KCNQ1: variants seen among roughly 807,000 people sequenced by gnomAD.
The protein encoded by KCNQ1 is potassium voltage-gated channel subfamily Q member 1.
In KCNQ1, 49 loss-of-function variants were observed where a neutral mutation model predicts 72.4. The observed-to-expected ratio is 0.68, with a 90% CI of 0.54 to 0.86. The LOEUF (loss-of-function observed/expected upper bound fraction) is 0.86. Among genes scored for constraint, KCNQ1 ranks in the 40% least tolerant of loss-of-function variants. The probability of loss-of-function intolerance (pLI) is 0.00; values close to 1 mark genes in which losing one functional copy is unlikely to be tolerated. For synonymous variants in KCNQ1, 450 were observed against 412.6 expected (o/e 1.09, Z -1.10); for missense variants, 790 against 945.1 (o/e 0.84, Z 2.15).
At chr11:2,799,502 T>C (rs116591642) in intron 15 of KCNQ1, among the ~76,000 whole-genome samples, 1,727 of 151,892 alleles carry the variant, frequency 0.011, 32 homozygotes, top group African/African-American at 0.039. Context: ...TTTTGTTGTA[T>C]GTGGTGTGTC....
chr11:2,648,926 T>C lies in KCNQ1; in HGVS notation c.1394-13035T>C. Reference sequence around the variant, plus strand: ...ATATATAATTGTTATATCTTCTTGCTGAATTGATCCATTTATAATTATATA... The same window carrying C: ...ATATATAATTGTTATATCTTCTTGCCGAATTGATCCATTTATAATTATATA... On this transcript the variant is annotated intron_variant, in intron 10 of 15. Transcript: ENST00000155840. The C allele has an allele frequency of 5.0e-6, 2 of 398,246 alleles. 1 individual carries two copies. Among genetic ancestry groups the C allele is most frequent in the East Asian group, 7.1e-5 (2 of 28,042 alleles). 24.7% of individuals were successfully genotyped at this position (398,246 alleles called of 1,614,324 possible). A position where few individuals can be genotyped will look rare whatever the true frequency, so the allele number is the denominator to read the frequency against.
intron 12 of KCNQ1, among the ~76,000 whole-genome samples, chr11:2,774,284 C>T (rs1482249477): frequency 2.6e-5 from 4 of 152,226 alleles, no homozygotes; most frequent in Admixed American, 6.5e-5. Flanking sequence ...AGAGTCCAAC[C>T]CCATGCCTGC....
chr11:2,737,347 G>A (rs900336830), intron 11 of KCNQ1, among the ~76,000 whole-genome samples: 2 of 152,176 alleles, frequency 1.3e-5, no homozygotes, highest in African/African-American at 2.4e-5. Context: ...TCTGTCCCAG[G>A]AAGCTGCTCT....
intron 15 of KCNQ1, among the ~76,000 whole-genome samples, chr11:2,780,459 CT>C (rs1476402347): frequency 6.6e-6 from 1 of 152,208 alleles, no homozygotes; most frequent in Non-Finnish European, 1.5e-5. Flanking sequence ...CCCGCCGGCC[CT>C]GCCAACCCCA....
In KCNQ1 at chr11:2,563,098, C is replaced by T. The variant is rs1233996275; in HGVS notation, c.478-7530C>T. On this transcript the variant is annotated intron_variant, in intron 2 of 15. Coordinates refer to ENST00000155840, the MANE Select transcript of KCNQ1 (RefSeq NM_000218.3). The surrounding 1 kb of genome is among the most constrained non-coding windows in gnomAD (Gnocchi z 7.4). ...TATTTCAGGCTGCCCTGTGATCTTT[C>T]CCACGTGATTGATTGACACAGGGAC... Among the ~76,000 whole-genome samples the T allele has an allele frequency of 6.6e-6, 1 of 152,168 alleles. No individual in the cohort carries two copies. Among genetic ancestry groups the T allele is most frequent in the South Asian group, 2.1e-4 (1 of 4,826 alleles).
intron 6 of KCNQ1, among the ~76,000 whole-genome samples, chr11:2,581,980 C>T (rs1339092199): frequency 6.6e-6 from 1 of 152,214 alleles, no homozygotes; most frequent in Non-Finnish European, 1.5e-5. Flanking sequence ...CAGAAGCATC[C>T]TGGCCATAAG....
Position 2,497,331 on chromosome 11 carries a change from T to C in KCNQ1, c.387-30597T>C, listed in dbSNP as rs903969756. Among the ~76,000 whole-genome samples, 2 of 152,228 alleles carry C rather than the reference T, an allele frequency of 1.3e-5. No homozygotes were observed. The highest frequency in any genetic ancestry group is 4.8e-5 in the African/African-American group (2 of 41,468). ...CAATTGTAGGTTTGGTCTTTTCATA[T>C]AGTCCCATATTTCTTGGAGGTTTTG... On this transcript the variant is annotated intron_variant, in intron 1 of 15. Coordinates refer to ENST00000155840, the MANE Select transcript of KCNQ1 (RefSeq NM_000218.3). This position sits in a 1 kb window ranked among gnomAD's most constrained non-coding sequence, Gnocchi z 4.5.
At chr11:2,675,675 G>A in intron 11 of KCNQ1, 1 of 398,676 alleles carries the variant, frequency 2.5e-6, no homozygotes, top group Non-Finnish European at 4.4e-6. Flanking sequence ...GGCCTGCCCT[G>A]ACTCTGGCTC....
At chr11:2,496,330 G>A (rs545388188) in intron 1 of KCNQ1, among the ~76,000 whole-genome samples, 109 of 151,864 alleles carry the variant, frequency 7.2e-4, no homozygotes, top group African/African-American at 1.4e-3. Context: ...CCAGCTACTC[G>A]GCAGGCTGAG....
Position 2,482,717 on chromosome 11 carries a change from A to G in KCNQ1, c.386+37233A>G, listed in dbSNP as rs963414717. Among the ~76,000 whole-genome samples the G allele has an allele frequency of 6.6e-6, 1 of 152,138 alleles. No individual in the cohort carries two copies. Among genetic ancestry groups the G allele is most frequent in the African/African-American group, 2.4e-5 (1 of 41,428 alleles). On this transcript the variant is annotated intron_variant, in intron 1 of 15. Coordinates refer to ENST00000155840, the MANE Select transcript of KCNQ1 (RefSeq NM_000218.3). This position sits in a 1 kb window ranked among gnomAD's most constrained non-coding sequence, Gnocchi z 5.7. ...AAACACTGCCATTATGATGAAGCAAAAATAGAATATCCTTCCTCCTCTTAG... is the reference window on the plus strand; with the variant it reads ...AAACACTGCCATTATGATGAAGCAAGAATAGAATATCCTTCCTCCTCTTAG...
chr11:2,503,785 G>A (rs1415027914), intron 1 of KCNQ1, among the ~76,000 whole-genome samples: 1 of 152,160 alleles, frequency 6.6e-6, no homozygotes, highest in African/African-American at 2.4e-5. Context: ...AATGAGATAT[G>A]ACCCCACCCT....
At chr11:2,788,848 G>A (rs1177719986) in intron 15 of KCNQ1, among the ~76,000 whole-genome samples, 2 of 152,100 alleles carry the variant, frequency 1.3e-5, no homozygotes, top group Non-Finnish European at 2.9e-5. Flanking sequence ...AGCGTTTGAC[G>A]CTGAGCACCG....
chr11:2,461,027 C>T (rs955881784), intron 1 of KCNQ1, among the ~76,000 whole-genome samples: 4 of 152,192 alleles, frequency 2.6e-5, no homozygotes, highest in Admixed American at 6.5e-5. Flanking sequence ...GCCTCACTCT[C>T]CTGGCCTCCA....
chr11:2,548,935 C>A (rs12797687), intron 2 of KCNQ1, among the ~76,000 whole-genome samples: 15,702 of 152,280 alleles, frequency 0.1, 1,079 homozygotes, highest in Non-Finnish European at 0.15. Context: ...TGTCCCCCGA[C>A]TACCACTGCC....
At chr11:2,733,355 G>A (rs2133943021) in intron 11 of KCNQ1, among the ~76,000 whole-genome samples, 1 of 152,152 alleles carries the variant, frequency 6.6e-6, no homozygotes, top group African/African-American at 2.4e-5. Context: ...CTCCTTCACT[G>A]CGACCCCGAC....
intron 11 of KCNQ1, among the ~76,000 whole-genome samples, chr11:2,707,027 G>A (rs1590044708): frequency 6.6e-6 from 1 of 152,166 alleles, no homozygotes; most frequent in Non-Finnish European, 1.5e-5. Context: ...CATTTCCTTG[G>A]GACATGGATA....
In KCNQ1 at chr11:2,748,474, CA is replaced by C. The variant is rs976816882; in HGVS notation, c.1515-20367del. ...AGGCAGGGCCCTCAGCACCTGATGC[CA>C]AACCAGGCTCCACTCTTCCTCCAGG... On this transcript the variant is annotated intron_variant, in intron 11 of 15. Transcript: ENST00000155840. This position sits in a 1 kb window ranked among gnomAD's most constrained non-coding sequence, Gnocchi z 6.2. Among the ~76,000 whole-genome samples, 1 of 152,170 alleles carries C rather than the reference CA, an allele frequency of 6.6e-6. No individual in the cohort carries two copies. Among genetic ancestry groups the C allele is most frequent in the African/African-American group, 2.4e-5 (1 of 41,440 alleles).
Position 2,652,617 on chromosome 11 carries a change from T to C in KCNQ1, c.1394-9344T>C, listed in dbSNP as rs1590007717. 1.0e-5 allele frequency: 4 copies of C among 398,580 alleles called. No individual in the cohort carries two copies. In the East Asian group the frequency reaches 1.4e-4, roughly 14 times the overall value. The allele number at this position is 398,580 out of a possible 1,614,324, so 24.7% of individuals were successfully genotyped here. A position where few individuals can be genotyped will look rare whatever the true frequency, so the allele number is the denominator to read the frequency against. ...CCTGGAACCTTCCCCTGAAAATGTG[T>C]CTTGGGAGACCTAGACAGTGACTTC... On this transcript the variant is annotated intron_variant, in intron 10 of 15. Transcript: ENST00000155840. The surrounding 1 kb of genome is among the most constrained non-coding windows in gnomAD (Gnocchi z 5.9).
At chr11:2,765,577 G>A (rs1236545152) in intron 11 of KCNQ1, among the ~76,000 whole-genome samples, 2 of 152,194 alleles carry the variant, frequency 1.3e-5, no homozygotes, top group African/African-American at 4.8e-5. Flanking sequence ...TACTGACGAG[G>A]TGTGTTCAAA....
Sources: gnomAD v4.1 joint callset for allele counts (sites outside exome capture counted in the v4.1 genomes callset) on GRCh38, gnomAD v4.1.1 for gene constraint, Gnocchi (gnomAD v3.1) non-coding constraint, MANE v1.5 for transcripts, NCBI Gene and HGNC (gene_info 2026-07-23, HGNC 2026-07-21) for gene names.